SLIT3: variants seen among roughly 807,000 people sequenced by gnomAD.
The protein encoded by SLIT3 is slit guidance ligand 3, also known as slit homolog 3 protein.
Under a neutral mutation model 184.0 loss-of-function variants are expected in SLIT3, and 68 were observed. The ratio of observed to expected loss-of-function variants is 0.37; its 90% CI spans 0.30 to 0.45. The LOEUF (loss-of-function observed/expected upper bound fraction) is 0.45, where lower values mean the gene tolerates loss of function less well. Among genes scored for constraint, SLIT3 ranks in the 20% least tolerant of loss-of-function variants. The pLI, the probability that SLIT3 is intolerant of heterozygous loss-of-function variation, is 1.00. For missense variants in SLIT3, 1,707 were observed against 2,026.0 expected (o/e 0.84, Z 3.02); for synonymous variants, 831 against 828.6 (o/e 1.00, Z -0.05).
At chr5:168,832,476 A>AAG (rs1757912169) in intron 6 of SLIT3, among the ~76,000 whole-genome samples, 1 of 152,214 alleles carries the variant, frequency 6.6e-6, no homozygotes, top group Non-Finnish European at 1.5e-5. Context: ...CTGTTTACTG[A>AAG]ATGGGCTGGC....
chr5:168,752,789 C>T, intron 18 of SLIT3, 166 bp downstream of exon 18: 1 of 649,214 alleles, frequency 1.5e-6, no homozygotes, highest in Middle Eastern at 4.3e-4. Flanking sequence ...TGTGTGCAGC[C>T]TCAACACCTA....
At position 169,212,536 on chromosome 5, in the gene SLIT3, T is replaced by A. The variant is rs554444011; in HGVS notation, c.342-18986A>T. ...ATATTAGCCCTTTGTCAGATGGATA[T>A]ATTGCAAAAATTTTCTCCCATTCTG... On this transcript the variant is annotated intron_variant, in intron 3 of 35. Coordinates refer to ENST00000519560, the MANE Select transcript of SLIT3 (RefSeq NM_003062.4). 3.9e-5 allele frequency among the ~76,000 whole-genome samples: 6 copies of A among 152,268 alleles called. No individual in the cohort carries two copies. In the East Asian group the frequency reaches 9.6e-4, roughly 24 times the overall value.
At chr5:169,154,136 C>T (rs1052913664) in intron 4 of SLIT3, among the ~76,000 whole-genome samples, 4 of 152,040 alleles carry the variant, frequency 2.6e-5, no homozygotes, top group African/African-American at 7.2e-5. Flanking sequence ...CCAAGCCTGG[C>T]TAATTTTTTG....
intron 4 of SLIT3, among the ~76,000 whole-genome samples, chr5:168,996,762 T>C (rs1343608204): frequency 6.6e-6 from 1 of 152,174 alleles, no homozygotes; most frequent in Non-Finnish European, 1.5e-5. Flanking sequence ...TGTGAGGTGA[T>C]AGGAAGTGGT....
At chr5:168,907,348 C>T (rs981385299) in intron 4 of SLIT3, among the ~76,000 whole-genome samples, 8 of 152,190 alleles carry the variant, frequency 5.3e-5, no homozygotes, top group Non-Finnish European at 1.2e-4. Context: ...TCCTTTCTAT[C>T]CTTTTTCCTC....
At chr5:168,764,096 CA>C (rs1450696652) in intron 14 of SLIT3, among the ~76,000 whole-genome samples, 28 of 152,184 alleles carry the variant, frequency 1.8e-4, no homozygotes, top group African/African-American at 6.8e-4. Flanking sequence ...CCTTATCTTC[CA>C]GGGGCTGTTG....
chr5:168,982,658 G>C (rs763474990), intron 4 of SLIT3, among the ~76,000 whole-genome samples: 1 of 152,192 alleles, frequency 6.6e-6, no homozygotes, highest in Non-Finnish European at 1.5e-5. Flanking sequence ...AATTGGAGAA[G>C]CACTAAGTAG....
At chr5:168,983,292 A>T (rs1228889765) in intron 4 of SLIT3, among the ~76,000 whole-genome samples, 2 of 151,962 alleles carry the variant, frequency 1.3e-5, no homozygotes, top group African/African-American at 4.8e-5. Context: ...CCCCAGGTAA[A>T]CTCCCCAAGA....
chr5:168,856,692 C>T (rs73805255), intron 5 of SLIT3, among the ~76,000 whole-genome samples: 2,508 of 152,072 alleles, frequency 0.016, 73 homozygotes, highest in African/African-American at 0.057. Flanking sequence ...CACTGCTCCT[C>T]CTTTTGCATC....
intron 18 of SLIT3, among the ~76,000 whole-genome samples, chr5:168,750,609 C>T (rs1754661491): frequency 1.3e-5 from 2 of 152,128 alleles, no homozygotes; most frequent in Non-Finnish European, 2.9e-5. Context: ...GGACTCTGCC[C>T]TTCTGGGCAT....
chr5:169,034,205 T>C (rs1757146295), intron 4 of SLIT3, among the ~76,000 whole-genome samples: 1 of 152,206 alleles, frequency 6.6e-6, no homozygotes, highest in Admixed American at 6.5e-5. Context: ...GCTGTTTCAT[T>C]TTGTTGATTA....
At chr5:169,040,478 G>T (rs1267581624) in intron 4 of SLIT3, among the ~76,000 whole-genome samples, 1 of 152,222 alleles carries the variant, frequency 6.6e-6, no homozygotes, top group East Asian at 1.9e-4. Flanking sequence ...AGAGATTAAG[G>T]ATATGGTGTG....
At chr5:168,767,993 C>T (rs1054466336) in intron 14 of SLIT3, among the ~76,000 whole-genome samples, 1 of 152,126 alleles carries the variant, frequency 6.6e-6, no homozygotes, top group Non-Finnish European at 1.5e-5. Flanking sequence ...TCTCCAGACC[C>T]ATTTCCCTCT....
intron 4 of SLIT3, among the ~76,000 whole-genome samples, chr5:168,904,510 T>TAAA (rs1760981312): frequency 6.6e-6 from 1 of 150,612 alleles, no homozygotes; most frequent in Middle Eastern, 3.2e-3. Context: ...ATAATAATAA[T>TAAA]AATAATACCT....
chr5:169,135,407 C>T lies in SLIT3; in HGVS notation c.413+58072G>A, dbSNP rs905234729. Among the ~76,000 whole-genome samples, 5 of 143,802 alleles carry T rather than the reference C, an allele frequency of 3.5e-5. No homozygotes were observed. In the East Asian group the frequency reaches 7.9e-4, roughly 23 times the overall value. 94.3% of individuals were successfully genotyped at this position (143,802 alleles called of 152,430 possible). On this transcript the variant is annotated intron_variant, in intron 4 of 35. Coordinates refer to ENST00000519560, the MANE Select transcript of SLIT3 (RefSeq NM_003062.4). ...GATTACATACGTGAGCCACCACACC[C>T]GGCAGATCAGTGTTTTTTTTTAATC...
intron 4 of SLIT3, among the ~76,000 whole-genome samples, chr5:169,079,179 A>G (rs1325943221): frequency 6.6e-6 from 1 of 152,144 alleles, no homozygotes; most frequent in East Asian, 1.9e-4. Flanking sequence ...TTCCTTTTCT[A>G]TCTGGGAGAA....
chr5:168,731,963 GA>G (rs1419820694), intron 20 of SLIT3, among the ~76,000 whole-genome samples: 2 of 151,998 alleles, frequency 1.3e-5, no homozygotes, highest in African/African-American at 4.8e-5. Context: ...AATCAGCAAA[GA>G]GAAACAAAAG....
intron 4 of SLIT3, among the ~76,000 whole-genome samples, chr5:168,894,511 C>T (rs1760589387): frequency 6.6e-6 from 1 of 152,184 alleles, no homozygotes; most frequent in Non-Finnish European, 1.5e-5. Flanking sequence ...CTCCTCCATC[C>T]TTCTACCTCT....
At chr5:168,847,930 G>A (rs1302839430) in intron 5 of SLIT3, among the ~76,000 whole-genome samples, 1 of 152,154 alleles carries the variant, frequency 6.6e-6, no homozygotes, top group Non-Finnish European at 1.5e-5. Flanking sequence ...AAAGCCCATT[G>A]CCTACCCTGC....
Sources: gnomAD v4.1 joint callset for allele counts (sites outside exome capture counted in the v4.1 genomes callset) on GRCh38, gnomAD v4.1.1 for gene constraint, MANE v1.5 for transcripts, NCBI Gene and HGNC (gene_info 2026-07-23, HGNC 2026-07-21) for gene names.